The following DNAAF9 variants were observed in gnomAD, a reference collection of about 807,000 sequenced individuals.
DNAAF9 encodes the protein shulin.
In DNAAF9, 90 loss-of-function variants were observed where a neutral mutation model predicts 167.0. The ratio of observed to expected loss-of-function variants is 0.54; its 90% CI spans 0.45 to 0.64. The LOEUF is 0.64. Among genes scored for constraint, DNAAF9 ranks in the 30% least tolerant of loss-of-function variants. The probability of loss-of-function intolerance (pLI) is 0.00; values close to 1 mark genes in which losing one functional copy is unlikely to be tolerated. For synonymous variants in DNAAF9, 491 were observed against 508.8 expected, an observed-to-expected ratio of 0.96 and a Z score of 0.47; for missense variants, 1,315 against 1,442.2, an observed-to-expected ratio of 0.91 and a Z score of 1.43.
At chr20:3,288,321 A>C (rs1350379729) in intron 26 of DNAAF9, among the ~76,000 whole-genome samples, 1 of 152,206 alleles carries the variant, frequency 6.6e-6, no homozygotes, top group Non-Finnish European at 1.5e-5. Flanking sequence ...TTGGTGGCGC[A>C]TGCCTGTAAT....
In DNAAF9 at chr20:3,259,672, C is replaced by T. The variant is rs1056236069; in HGVS notation, c.2981-118G>A. Reference sequence around the variant, plus strand: ...ACCATACACCAGGGTCTAGGGTTCACAGGTTCTACCCGCCACACCCTGTTG... The same window carrying T: ...ACCATACACCAGGGTCTAGGGTTCATAGGTTCTACCCGCCACACCCTGTTG... On this transcript the variant is annotated intron_variant, in intron 32 of 36. Coordinates refer to ENST00000252032, the MANE Select transcript of DNAAF9 (RefSeq NM_001009984.3). The T allele has an allele frequency of 1.1e-5, 8 of 720,112 alleles. No individual in the cohort carries two copies. The Middle Eastern group carries it at 1.3e-3, about 115-fold the overall frequency. The allele number at this position is 720,112 out of a possible 1,614,324, so 44.6% of individuals were successfully genotyped here.
At chr20:3,407,427 C>G (rs2084078507) in intron 1 of DNAAF9, 48 bp downstream of exon 1, 3 of 1,265,148 alleles carry the variant, frequency 2.4e-6, no homozygotes, top group Admixed American at 4.2e-5. Flanking sequence ...ACCCCGACAG[C>G]CCGCATCCCC....
intron 10 of DNAAF9, 71 bp downstream of exon 10, chr20:3,340,433 T>TCCGGGCCCCCCCCCCCCC: frequency 4.5e-6 from 1 of 221,214 alleles, no homozygotes; most frequent in Non-Finnish European, 9.5e-6. Flanking sequence ...TTTGTCTAGC[T>TCCGGGCCCCCCCCCCCCC]CCCCCCACCC....
chr20:3,363,228 CAAA>C (rs550155552), intron 6 of DNAAF9, among the ~76,000 whole-genome samples: 6 of 105,176 alleles, frequency 5.7e-5, no homozygotes, highest in Admixed American at 2.0e-4. Flanking sequence ...GACTCCGTCT[CAAA>C]AAAAAAAAAA....
chr20:3,255,516 C>T (rs896249551), intron 34 of DNAAF9, among the ~76,000 whole-genome samples: 17 of 152,220 alleles, frequency 1.1e-4, no homozygotes, highest in Admixed American at 9.8e-4. Flanking sequence ...CCAGTGTTTT[C>T]GTAAATGGGA....
At chr20:3,324,231 T>C (rs977694920) in intron 14 of DNAAF9, among the ~76,000 whole-genome samples, 4 of 152,180 alleles carry the variant, frequency 2.6e-5, no homozygotes, top group African/African-American at 9.7e-5. Context: ...TTTAAGAAAA[T>C]GTGGGACATA....
chr20:3,337,430 C>CTTTTT (rs1280999955), intron 10 of DNAAF9, among the ~76,000 whole-genome samples: 5 of 102,650 alleles, frequency 4.9e-5, no homozygotes, highest in South Asian at 3.7e-4. Context: ...CGCCCAGGTT[C>CTTTTT]TTTTTTTTTG....
intron 31 of DNAAF9, among the ~76,000 whole-genome samples, chr20:3,263,216 T>C (rs1018134312): frequency 6.6e-6 from 1 of 152,038 alleles, no homozygotes; most frequent in African/African-American, 2.4e-5. Flanking sequence ...CCTTGTGATC[T>C]GCCCGCCTCG....
At chr20:3,338,873 C>T (rs1232563137) in intron 10 of DNAAF9, among the ~76,000 whole-genome samples, 4 of 151,880 alleles carry the variant, frequency 2.6e-5, no homozygotes, top group East Asian at 1.9e-4. Flanking sequence ...AGGCTGGTCT[C>T]GAACTCCTGA....
At chr20:3,287,341 C>T (rs1034079459) in intron 27 of DNAAF9, among the ~76,000 whole-genome samples, 2 of 152,214 alleles carry the variant, frequency 1.3e-5, no homozygotes, top group Non-Finnish European at 2.9e-5. Flanking sequence ...GACTTAGGGA[C>T]CACTACTGCT....
intron 1 of DNAAF9, among the ~76,000 whole-genome samples, chr20:3,387,581 C>G (rs1242683839): frequency 1.3e-5 from 2 of 151,992 alleles, no homozygotes; most frequent in Non-Finnish European, 2.9e-5. Flanking sequence ...TTCGATTTGG[C>G]AATGAATTCT....
At chr20:3,313,790 C>A (rs571629984) in intron 20 of DNAAF9, among the ~76,000 whole-genome samples, 1 of 152,200 alleles carries the variant, frequency 6.6e-6, no homozygotes, top group African/African-American at 2.4e-5. Context: ...AAACAAAGTA[C>A]TACCTTTCAC....
chr20:3,279,610 A>T (rs1352485296), intron 28 of DNAAF9, among the ~76,000 whole-genome samples: 1 of 152,246 alleles, frequency 6.6e-6, no homozygotes, highest in Admixed American at 6.5e-5. Flanking sequence ...ACTAATGGGG[A>T]TAGCTGCCTT....
At chr20:3,261,526 C>T (rs1306012355) in intron 31 of DNAAF9, among the ~76,000 whole-genome samples, 1 of 151,324 alleles carries the variant, frequency 6.6e-6, no homozygotes, top group Non-Finnish European at 1.5e-5. Context: ...CACCACCACG[C>T]CCAGCTAATT....
rs114373988 is a variant in DNAAF9, at chr20:3,396,973, A to C, written c.83+10502T>G. Among the ~76,000 whole-genome samples, 1,000 of 152,356 alleles carry C rather than the reference A, an allele frequency of 6.6e-3. 9 individuals carry two copies. The highest frequency in any genetic ancestry group is 0.023 in the African/African-American group (957 of 41,588). ...ATTAAGACTCTACTGCTGGACAGGC[A>C]TGGTGGCTTATGCCTGTAATCCCAG... On this transcript the variant is annotated intron_variant, in intron 1 of 36. Coordinates refer to ENST00000252032, the MANE Select transcript of DNAAF9 (RefSeq NM_001009984.3).
At chr20:3,353,169 G>A (rs1187043212) in intron 7 of DNAAF9, among the ~76,000 whole-genome samples, 1 of 150,848 alleles carries the variant, frequency 6.6e-6, no homozygotes, top group Non-Finnish European at 1.5e-5. Context: ...ATACATCTGA[G>A]CCCTCCCCAC....
At chr20:3,332,455 TTTC>T in intron 10 of DNAAF9, 94 bp from the exon 11 acceptor site, 1 of 650,404 alleles carries the variant, frequency 1.5e-6, no homozygotes, top group Non-Finnish European at 2.7e-6. Flanking sequence ...GGAAATAAAT[TTTC>T]TTTTTTTTTT....
intron 27 of DNAAF9, 61 bp downstream of exon 27, chr20:3,287,571 A>C (rs1284040234): frequency 1.5e-5 from 23 of 1,516,428 alleles, no homozygotes; most frequent in Non-Finnish European, 2.0e-5. Context: ...CACATAAAAT[A>C]AGAGTAATGG....
intron 14 of DNAAF9, among the ~76,000 whole-genome samples, chr20:3,324,297 A>G (rs2069671454): frequency 1.3e-5 from 2 of 152,348 alleles, no homozygotes; most frequent in South Asian, 4.1e-4. Flanking sequence ...ATTCCCCAGT[A>G]TTGGTGTCTT....
Sources: gnomAD v4.1 joint callset for allele counts (sites outside exome capture counted in the v4.1 genomes callset) on GRCh38, gnomAD v4.1.1 for gene constraint, MANE v1.5 for transcripts, NCBI Gene and HGNC (gene_info 2026-07-23, HGNC 2026-07-21) for gene names.